The following CEP112 variants were observed in gnomAD, a reference collection of about 807,000 sequenced individuals.
CEP112 encodes the protein centrosomal protein of 112 kDa.
In CEP112, 127 loss-of-function variants were observed where a neutral mutation model predicts 153.0. The observed-to-expected ratio is 0.83, with a 90% CI of 0.72 to 0.96. The LOEUF is 0.96. CEP112 is among the 40% of genes least tolerant of loss of function. The pLI, the probability that CEP112 is intolerant of heterozygous loss-of-function variation, is 0.00. For missense variants in CEP112, 1,089 were observed against 1,101.2 expected (o/e 0.99, Z 0.16); for synonymous variants, 358 against 374.4 (o/e 0.96, Z 0.51).
At chr17:65,673,652 A>G (rs565905007) in intron 24 of CEP112, among the ~76,000 whole-genome samples, 2 of 152,246 alleles carry the variant, frequency 1.3e-5, no homozygotes, top group South Asian at 4.1e-4. Context: ...ATGAAACGAA[A>G]CTCTCAAAAG....
intron 11 of CEP112, among the ~76,000 whole-genome samples, chr17:66,056,136 G>T (rs1437136686): frequency 1.3e-5 from 2 of 152,178 alleles, no homozygotes; most frequent in African/African-American, 4.8e-5. Flanking sequence ...TTCTCAAGAA[G>T]AATTTTTACC....
chr17:65,748,278 G>T (rs913031677), intron 22 of CEP112, among the ~76,000 whole-genome samples: 1 of 152,166 alleles, frequency 6.6e-6, no homozygotes, highest in Non-Finnish European at 1.5e-5. Flanking sequence ...TCCTTTCTAA[G>T]AATTTTTTGG....
At chr17:66,099,221 T>C (rs775179703) in intron 6 of CEP112, among the ~76,000 whole-genome samples, 17 of 152,080 alleles carry the variant, frequency 1.1e-4, no homozygotes, top group Non-Finnish European at 2.5e-4. Context: ...AGACAAGCCA[T>C]GGCCAGGAGC....
At chr17:66,048,666 G>C (rs1291177218) in intron 12 of CEP112, among the ~76,000 whole-genome samples, 2 of 152,132 alleles carry the variant, frequency 1.3e-5, no homozygotes, top group African/African-American at 4.8e-5. Context: ...CTGGAGTGCA[G>C]TGGCGTGATC....
At chr17:66,022,711 GAA>G (rs1555771642) in intron 16 of CEP112, among the ~76,000 whole-genome samples, 2 of 127,070 alleles carry the variant, frequency 1.6e-5, no homozygotes, top group Non-Finnish European at 1.6e-5. Context: ...TCCGCCTCAA[GAA>G]AAAAAAAAAA....
intron 16 of CEP112, among the ~76,000 whole-genome samples, chr17:66,022,184 C>T (rs2065024209): frequency 6.6e-6 from 1 of 152,154 alleles, no homozygotes; most frequent in Non-Finnish European, 1.5e-5. Flanking sequence ...AAAGCCTTAA[C>T]ATTCAACATA....
At chr17:65,657,003 A>G (rs2046095335) in intron 24 of CEP112, among the ~76,000 whole-genome samples, 1 of 152,218 alleles carries the variant, frequency 6.6e-6, no homozygotes, top group African/African-American at 2.4e-5. Context: ...GTGGCTATTA[A>G]TAAGTAGGCT....
intron 4 of CEP112, among the ~76,000 whole-genome samples, chr17:66,166,729 G>A (rs1488412897): frequency 1.3e-5 from 2 of 151,786 alleles, no homozygotes; most frequent in African/African-American, 4.8e-5. Context: ...GAAACCTCGT[G>A]TCTACTAAAA....
At chr17:66,072,493 A>C (rs1471657367) in intron 8 of CEP112, among the ~76,000 whole-genome samples, 1 of 152,202 alleles carries the variant, frequency 6.6e-6, no homozygotes, top group Non-Finnish European at 1.5e-5. Context: ...ATTTTTTAAG[A>C]GTACAGACCG....
chr17:66,163,877 C>T (rs1762416652), intron 4 of CEP112, among the ~76,000 whole-genome samples: 3 of 151,986 alleles, frequency 2.0e-5, no homozygotes, highest in African/African-American at 7.2e-5. Flanking sequence ...CAAACAGAAA[C>T]TTGTGAAATT....
chr17:66,136,651 G>A (rs914378760), intron 4 of CEP112, among the ~76,000 whole-genome samples: 17 of 152,136 alleles, frequency 1.1e-4, no homozygotes, highest in African/African-American at 4.1e-4. Flanking sequence ...AGTGCCTAGG[G>A]GCAGCTGAAA....
rs778124524 is a variant in CEP112, at chr17:65,927,673, G to A, written c.1889C>T (p.Ala630Val). The change falls in exon 19 of 27, where the codon GCA becomes GTA. Residue 630 changes from alanine to valine, a missense_variant. By Grantham distance (64) the Ala-to-Val change is moderately conservative. Coordinates refer to ENST00000535342, the MANE Select transcript of CEP112 (RefSeq NM_001199165.4). The stretch of plus-strand genomic sequence containing the variant: ...AAGAGATTTGGATCTAGTTAGATCT[G>A]CCTCCACTTTTTCCATCTATAAAAT... ...EMKEQMEKVE[A>V]DLTRSKSLRE... The A allele has an allele frequency of 1.9e-6, 3 of 1,560,662 alleles. No individual in the cohort carries two copies. The highest frequency in any genetic ancestry group is 1.3e-5 in the South Asian group (1 of 78,914).
At chr17:65,887,828 C>T (rs2059334891) in intron 20 of CEP112, among the ~76,000 whole-genome samples, 1 of 152,220 alleles carries the variant, frequency 6.6e-6, no homozygotes, top group African/African-American at 2.4e-5. Context: ...TCTCTGGAAA[C>T]AGGAGCATCT....
chr17:65,704,582 G>T (rs575685328), intron 23 of CEP112, among the ~76,000 whole-genome samples: 2 of 152,140 alleles, frequency 1.3e-5, no homozygotes, highest in Non-Finnish European at 2.9e-5. Flanking sequence ...TGATCTATCG[G>T]TATTTTCTTA....
At position 66,122,336 on chromosome 17, in the gene CEP112, A is replaced by G. The variant is rs150148655; in HGVS notation, c.642+7410T>C. Among the ~76,000 whole-genome samples the G allele has an allele frequency of 2.9e-4, 44 of 152,260 alleles. No homozygotes were observed. In the East Asian group the frequency reaches 6.9e-3, roughly 24 times the overall value. On this transcript the variant is annotated intron_variant, in intron 6 of 26. Transcript: ENST00000535342. ...CATAATTTTTCTCTGTATAAGGGCC[A>G]TACTTTCCTGTTTCTTTGCATGTCT...
chr17:65,957,991 T>C (rs573878217), intron 18 of CEP112, among the ~76,000 whole-genome samples: 1 of 152,336 alleles, frequency 6.6e-6, no homozygotes, highest in Admixed American at 6.5e-5. Context: ...CAAATTCAAG[T>C]TGTTAATACA....
At chr17:65,763,154 C>A (rs890401354) in intron 21 of CEP112, among the ~76,000 whole-genome samples, 3 of 152,058 alleles carry the variant, frequency 2.0e-5, no homozygotes, top group African/African-American at 7.2e-5. Context: ...TGCATGATTT[C>A]TTAGAAAACT....
intron 6 of CEP112, among the ~76,000 whole-genome samples, chr17:66,109,883 G>A (rs568718882): frequency 7.9e-5 from 12 of 152,130 alleles, no homozygotes; most frequent in South Asian, 2.1e-4. Flanking sequence ...AAAACCATCC[G>A]GGCATGTTGG....
chr17:66,061,148 G>A (rs1185818962), intron 11 of CEP112, among the ~76,000 whole-genome samples: 1 of 152,000 alleles, frequency 6.6e-6, no homozygotes, highest in Non-Finnish European at 1.5e-5. Context: ...CTCAAAAGAA[G>A]ACACAGAAAT....
Sources: gnomAD v4.1 joint callset for allele counts (sites outside exome capture counted in the v4.1 genomes callset) on GRCh38, gnomAD v4.1.1 for gene constraint, MANE v1.5 for transcripts, NCBI Gene and HGNC (gene_info 2026-07-23, HGNC 2026-07-21) for gene names.